The following TYW1 variants were observed in gnomAD, a reference collection of about 807,000 sequenced individuals.
The protein encoded by TYW1 is tRNA-yW synthesizing protein 1 homolog, also known as S-adenosyl-L-methionine-dependent tRNA 4-demethylwyosine synthase TYW1.
TYW1 carries 46 observed loss-of-function variants against 96.2 expected under a neutral mutation model. That is an observed-to-expected ratio of 0.48 (90% confidence interval 0.38 to 0.61). The LOEUF is 0.61. TYW1 is among the 20% of genes least tolerant of loss of function. The pLI is 0.00. For synonymous variants in TYW1, 274 were observed against 323.0 expected (o/e 0.85, Z 1.63); for missense variants, 684 against 909.6 (o/e 0.75, Z 3.19).
chr7:67,172,218 A>T (rs1274583440), intron 13 of TYW1, among the ~76,000 whole-genome samples: 3 of 150,912 alleles, frequency 2.0e-5, no homozygotes, highest in Non-Finnish European at 4.4e-5. Context: ...TTTAGTATTT[A>T]TTTTTTTATT....
In TYW1 at chr7:67,195,741, A is replaced by C. The variant is rs547054539; in HGVS notation, c.1977+404A>C. Among the ~76,000 whole-genome samples the C allele has an allele frequency of 4.6e-5, 7 of 152,038 alleles. No homozygotes were observed. In the South Asian group the frequency reaches 1.2e-3, roughly 27 times the overall value. On this transcript the variant is annotated intron_variant, in intron 15 of 15. Transcript: ENST00000359626. ...TATCTATCAAATTTTAGATTGCTTG[A>C]ATCTTGGCATCTGGAGAATTTTGTT...
chr7:67,119,592 T>G (rs1340329771), intron 13 of TYW1, among the ~76,000 whole-genome samples: 1 of 152,348 alleles, frequency 6.6e-6, no homozygotes, highest in East Asian at 1.9e-4. Flanking sequence ...AGACCCAGTT[T>G]TGTGATTACT....
intron 10 of TYW1, among the ~76,000 whole-genome samples, chr7:67,074,073 A>G (rs1351889131): frequency 6.8e-6 from 1 of 146,552 alleles, no homozygotes; most frequent in Non-Finnish European, 1.5e-5. Flanking sequence ...CTCCATCTCA[A>G]AAAAAAAAAA....
intron 13 of TYW1, among the ~76,000 whole-genome samples, chr7:67,161,799 C>T (rs1799170007): frequency 1.3e-5 from 2 of 152,080 alleles, no homozygotes; most frequent in Admixed American, 1.3e-4. Context: ...GCTCATCTTC[C>T]TATCATTCCA....
At chr7:67,027,639 AAAG>A (rs1449022596) in intron 7 of TYW1, among the ~76,000 whole-genome samples, 1 of 152,160 alleles carries the variant, frequency 6.6e-6, no homozygotes, top group Non-Finnish European at 1.5e-5. Context: ...TCTTTCAAAA[AAAG>A]GCAGACCTGC....
chr7:67,144,739 A>G (rs1281430336), intron 13 of TYW1, among the ~76,000 whole-genome samples: 2 of 151,994 alleles, frequency 1.3e-5, no homozygotes, highest in Admixed American at 1.3e-4. Context: ...CAAAGTGCTG[A>G]GATTGCAGGC....
chr7:67,056,760 G>A (rs1383632928), intron 9 of TYW1, among the ~76,000 whole-genome samples: 1 of 152,158 alleles, frequency 6.6e-6, no homozygotes, highest in African/African-American at 2.4e-5. Context: ...ACAAGACTTT[G>A]TGAATGTAAA....
intron 10 of TYW1, among the ~76,000 whole-genome samples, chr7:67,083,136 A>G (rs529544893): frequency 2.6e-5 from 4 of 152,320 alleles, no homozygotes; most frequent in Admixed American, 1.3e-4. Context: ...GTTTGTGTAC[A>G]TTCACAGTTA....
At chr7:67,091,342 C>T (rs978374576) in intron 11 of TYW1, among the ~76,000 whole-genome samples, 13 of 144,866 alleles carry the variant, frequency 9.0e-5, no homozygotes, top group African/African-American at 3.1e-4. Context: ...CATGTTCTCA[C>T]TCATAGGTGG....
intron 3 of TYW1, among the ~76,000 whole-genome samples, chr7:67,002,850 TTTTTTC>T (rs1444688739): frequency 1.4e-4 from 18 of 124,872 alleles, no homozygotes; most frequent in African/African-American, 2.4e-4. Context: ...TTTCTTTTTC[TTTTTTC>T]TTTTTTTTTT....
intron 7 of TYW1, among the ~76,000 whole-genome samples, chr7:67,040,766 C>T (rs1794991750): frequency 6.6e-6 from 1 of 151,808 alleles, no homozygotes. Flanking sequence ...ATTGCTTGAT[C>T]CCAGGAGGCG....
At chr7:67,205,333 G>A (rs1452382422) in intron 15 of TYW1, among the ~76,000 whole-genome samples, 6 of 152,044 alleles carry the variant, frequency 3.9e-5, no homozygotes, top group African/African-American at 1.4e-4. Context: ...GGAAGGGAGA[G>A]CCATCTTGTG....
At chr7:67,076,465 T>C (rs62466659) in intron 10 of TYW1, among the ~76,000 whole-genome samples, 6,089 of 152,198 alleles carry the variant, frequency 0.04, 179 homozygotes, top group Middle Eastern at 0.1. Flanking sequence ...AATAGGAGAA[T>C]TTTATGGTAT....
chr7:67,026,229 C>T (rs531160121), intron 7 of TYW1, among the ~76,000 whole-genome samples: 5 of 152,080 alleles, frequency 3.3e-5, no homozygotes, highest in Non-Finnish European at 7.3e-5. Context: ...CATACCACCA[C>T]GCTGAGCTAA....
At chr7:67,089,194 T>G in intron 11 of TYW1, 2 of 796,866 alleles carry the variant, frequency 2.5e-6, no homozygotes, top group South Asian at 5.9e-5. Flanking sequence ...CGCCACCCCT[T>G]TCCCCCTTAT....
intron 13 of TYW1, among the ~76,000 whole-genome samples, chr7:67,168,052 C>T (rs1479686413): frequency 6.6e-6 from 1 of 151,626 alleles, no homozygotes; most frequent in Non-Finnish European, 1.5e-5. Flanking sequence ...AGCCCCCTAC[C>T]TACTGTTGAT....
intron 15 of TYW1, among the ~76,000 whole-genome samples, chr7:67,203,180 C>T (rs1800657733): frequency 6.6e-6 from 1 of 152,214 alleles, no homozygotes; most frequent in South Asian, 2.1e-4. Context: ...TCCTCCATCT[C>T]TGTAGTTTCC....
chr7:67,108,731 C>T (rs968640799), intron 12 of TYW1, among the ~76,000 whole-genome samples: 16 of 152,006 alleles, frequency 1.1e-4, no homozygotes, highest in Admixed American at 1.3e-4. Context: ...CATGAGCCAC[C>T]GTGTCTGGTC....
At chr7:67,011,765 C>T (rs535561124) in intron 4 of TYW1, among the ~76,000 whole-genome samples, 20 of 151,386 alleles carry the variant, frequency 1.3e-4, no homozygotes, top group Admixed American at 2.0e-4. Flanking sequence ...CCCAACTACT[C>T]GGGAGGCTGA....
Sources: allele counts gnomAD v4.1 joint callset (sites outside exome capture counted in the v4.1 genomes callset), GRCh38; gene constraint gnomAD v4.1.1; transcripts MANE v1.5; gene names NCBI Gene and HGNC (gene_info 2026-07-23, HGNC 2026-07-21).